The following SYNE1 variants were observed in gnomAD, a reference collection of about 807,000 sequenced individuals.
The protein encoded by SYNE1 is spectrin repeat containing nuclear envelope protein 1.
In SYNE1, 616 loss-of-function variants were observed where a neutral mutation model predicts 1,111.0. The ratio of observed to expected loss-of-function variants is 0.55; its 90% CI spans 0.52 to 0.59. The LOEUF is 0.59. SYNE1 is among the 20% of genes least tolerant of loss of function. SYNE1 has a pLI of 0.00. For missense variants in SYNE1, 10,006 were observed against 10,417.0 expected (o/e 0.96, Z 1.72); for synonymous variants, 3,855 against 3,825.8 (o/e 1.01, Z -0.28).
chr6:152,269,197 G>A lies in SYNE1; in HGVS notation c.18663C>T (p.Thr6221=), dbSNP rs771466788. 5.6e-6 allele frequency: 9 copies of A among 1,614,180 alleles called. No homozygotes were observed. Among genetic ancestry groups the A allele is most frequent in the Middle Eastern group, 1.6e-4 (1 of 6,062 alleles). Residue 6221 remains threonine, a synonymous_variant, in exon 99 of 146, where the codon ACC becomes ACT. Coordinates refer to ENST00000367255, the MANE Select transcript of SYNE1 (RefSeq NM_182961.4). ...TGCTCTGCCGCTGCTGGGTCCATGT[G>A]GTGCGAGCTTGGGCCAGCCATTCCT... The part of the protein sequence containing the change: ...GVQEWLAQAR[T]TWTQQRQSSL...
intron 145 of SYNE1, among the ~76,000 whole-genome samples, chr6:152,124,705 T>C (rs2052729692): frequency 6.6e-6 from 1 of 151,784 alleles, no homozygotes; most frequent in Non-Finnish European, 1.5e-5. Context: ...AAAAAAAAAG[T>C]ATATTTTGTG....
chr6:152,180,796 C>A (rs996788757), intron 128 of SYNE1, among the ~76,000 whole-genome samples: 2 of 152,118 alleles, frequency 1.3e-5, no homozygotes, highest in Non-Finnish European at 2.9e-5. Flanking sequence ...AGGAAGCGGG[C>A]AGCATCCAAG....
At chr6:152,255,790 T>C in intron 102 of SYNE1, 44 bp from the exon 103 acceptor site, 1 of 1,611,770 alleles carries the variant, frequency 6.2e-7, no homozygotes, top group Non-Finnish European at 8.5e-7. Context: ...TTCAGTGTTT[T>C]GAAAATCCAG....
intron 6 of SYNE1, among the ~76,000 whole-genome samples, chr6:152,514,478 CG>C (rs2099101287): frequency 6.6e-6 from 1 of 151,856 alleles, no homozygotes; most frequent in African/African-American, 2.4e-5. Context: ...GTGCCTGTCA[CG>C]GGGTAGGGGA....
rs558059459 is a variant in SYNE1 at position 152,334,790 on chromosome 6, A to G, written c.12529-517T>C. Among the ~76,000 whole-genome samples the G allele has an allele frequency of 4.6e-5, 7 of 152,298 alleles. No homozygotes were observed. In the South Asian group the frequency reaches 1.2e-3, roughly 27 times the overall value. On this transcript the variant is annotated intron_variant, in intron 76 of 145. Coordinates refer to ENST00000367255, the MANE Select transcript of SYNE1 (RefSeq NM_182961.4). The stretch of plus-strand genomic sequence containing the variant: ...TGTTCCCTTAACTAAATATCCTGTG[A>G]CTAAGAATGCCTAACTTTCTGGGAA...
intron 3 of SYNE1, among the ~76,000 whole-genome samples, chr6:152,555,942 A>G (rs1554783): frequency 0.26 from 39,275 of 152,144 alleles, 5,106 homozygotes; most frequent in Middle Eastern, 0.33. Context: ...TCAGCTACCT[A>G]TGTCCTGAAG....
At chr6:152,195,997 G>T (rs954308581) in intron 127 of SYNE1, among the ~76,000 whole-genome samples, 1 of 152,180 alleles carries the variant, frequency 6.6e-6, no homozygotes, top group African/African-American at 2.4e-5. Context: ...ATAAGAAAAA[G>T]TCCTTTCCAC....
intron 8 of SYNE1, among the ~76,000 whole-genome samples, chr6:152,508,853 C>T (rs114734891): frequency 6.6e-6 from 1 of 152,164 alleles, no homozygotes; most frequent in Non-Finnish European, 1.5e-5. Context: ...ATTAGAAAAC[C>T]AGCAACACAC....
intron 98 of SYNE1, among the ~76,000 whole-genome samples, chr6:152,270,170 T>C (rs2093084629): frequency 6.6e-6 from 1 of 152,228 alleles, no homozygotes; most frequent in African/African-American, 2.4e-5. Flanking sequence ...GTCTGCTGTT[T>C]ATATAATAAT....
At chr6:152,302,350 G>T (rs2095222136) in intron 91 of SYNE1, 1 of 513,940 alleles carries the variant, frequency 1.9e-6, no homozygotes, top group Non-Finnish European at 3.5e-6. Context: ...ATCGCGAGAG[G>T]CCCCATATGG....
At chr6:152,133,581 G>C in intron 142 of SYNE1, 93 bp from the exon 143 acceptor site, 1 of 1,252,570 alleles carries the variant, frequency 8.0e-7, no homozygotes, top group Non-Finnish European at 1.1e-6. Flanking sequence ...TAACTTGGTG[G>C]GAAATTATAC....
At chr6:152,312,918 A>G (rs145869189) in intron 87 of SYNE1, among the ~76,000 whole-genome samples, 1 of 152,324 alleles carries the variant, frequency 6.6e-6, no homozygotes, top group East Asian at 1.9e-4. Context: ...ATCTTGTGCA[A>G]GAAATAATGT....
At chr6:152,476,239 C>G (rs1207262267) in intron 14 of SYNE1, among the ~76,000 whole-genome samples, 1 of 152,194 alleles carries the variant, frequency 6.6e-6, no homozygotes, top group African/African-American at 2.4e-5. Flanking sequence ...GAAAAAGACT[C>G]AACATGCCCC....
chr6:152,508,056 T>C (rs967335762), intron 8 of SYNE1, among the ~76,000 whole-genome samples: 9 of 152,328 alleles, frequency 5.9e-5, no homozygotes, highest in African/African-American at 2.2e-4. Context: ...ATTATGATTT[T>C]AGGAATAACA....
intron 11 of SYNE1, among the ~76,000 whole-genome samples, chr6:152,492,190 G>A (rs1344635809): frequency 1.3e-5 from 2 of 152,186 alleles, no homozygotes; most frequent in Non-Finnish European, 2.9e-5. Context: ...GGGGCCAGAA[G>A]GCCGTCCTAT....
rs540723792 is a variant in SYNE1, at chr6:152,606,815, A to T, written c.67+21450T>A. ...GGCGCCCGCCACCACGCCCGGCTAAATTTTTTTTTTATATATTTTTAGTAG... is the reference window on the plus strand; with the variant it reads ...GGCGCCCGCCACCACGCCCGGCTAATTTTTTTTTTTATATATTTTTAGTAG... On this transcript the variant is annotated intron_variant, in intron 3 of 145. Transcript: ENST00000367255. 4.9e-3 allele frequency among the ~76,000 whole-genome samples: 677 copies of T among 139,000 alleles called. 4 individuals carry two copies. Among genetic ancestry groups the T allele is most frequent in the African/African-American group, 0.017 (635 of 37,594 alleles). 91.2% of individuals were successfully genotyped at this position (139,000 alleles called of 152,430 possible).
intron 64 of SYNE1, among the ~76,000 whole-genome samples, chr6:152,360,658 C>T (rs1447741351): frequency 6.6e-6 from 1 of 152,202 alleles, no homozygotes; most frequent in African/African-American, 2.4e-5. Flanking sequence ...GAATCGGGCA[C>T]AGTCCCTACA....
At chr6:152,623,773 A>G (rs2099680540) in intron 3 of SYNE1, among the ~76,000 whole-genome samples, 1 of 152,150 alleles carries the variant, frequency 6.6e-6, no homozygotes, top group Non-Finnish European at 1.5e-5. Flanking sequence ...ATAAAAATTA[A>G]TCAAGGCATT....
intron 56 of SYNE1, among the ~76,000 whole-genome samples, chr6:152,380,135 T>G (rs979981108): frequency 1.3e-5 from 2 of 152,146 alleles, no homozygotes; most frequent in African/African-American, 4.8e-5. Flanking sequence ...AAAGCTTTAT[T>G]TTATGGCATG....
Sources: allele counts gnomAD v4.1 joint callset (sites outside exome capture counted in the v4.1 genomes callset), GRCh38; gene constraint gnomAD v4.1.1; transcripts MANE v1.5; gene names NCBI Gene and HGNC (gene_info 2026-07-23, HGNC 2026-07-21).